BRINP1: variants seen among roughly 807,000 people sequenced by gnomAD.
BRINP1 encodes the protein BMP/retinoic acid inducible neural specific 1.
A neutral mutation model predicts 72.9 loss-of-function variants in BRINP1; 17 were observed. The ratio of observed to expected loss-of-function variants is 0.23; its 90% confidence interval spans 0.16 to 0.35. The LOEUF (loss-of-function observed/expected upper bound fraction) is 0.35, where lower values mean the gene tolerates loss of function less well. BRINP1 is among the 10% of genes least tolerant of loss of function. The probability of loss-of-function intolerance (pLI) is 1.00; values close to 1 mark genes in which losing one functional copy is unlikely to be tolerated. For missense variants in BRINP1, 850 were observed against 1,001.6 expected, an observed-to-expected ratio of 0.85 and a Z score of 2.04; for synonymous variants, 418 against 378.5, an observed-to-expected ratio of 1.10 and a Z score of -1.21.
At chr9:119,237,287 T>G (rs1431545568) in intron 5 of BRINP1, among the ~76,000 whole-genome samples, 2 of 152,002 alleles carry the variant, frequency 1.3e-5, no homozygotes, top group African/African-American at 4.8e-5. Flanking sequence ...AAATACATCA[T>G]CGGTAACCTA....
intron 2 of BRINP1, among the ~76,000 whole-genome samples, chr9:119,266,055 G>A (rs1432985153): frequency 6.6e-6 from 1 of 152,166 alleles, no homozygotes; most frequent in African/African-American, 2.4e-5. Flanking sequence ...AGAACCAGAT[G>A]ATAAACATGC....
chr9:119,217,410 A>T (rs1341640707), intron 5 of BRINP1, among the ~76,000 whole-genome samples: 2 of 152,138 alleles, frequency 1.3e-5, no homozygotes, highest in Non-Finnish European at 2.9e-5. Context: ...GGCTACTGTT[A>T]TTGCCAAGCA....
At chr9:119,296,646 C>T (rs1262891538) in intron 2 of BRINP1, among the ~76,000 whole-genome samples, 1 of 152,186 alleles carries the variant, frequency 6.6e-6, no homozygotes, top group Non-Finnish European at 1.5e-5. Context: ...TGGACACACA[C>T]ACTCACCCAC....
At chr9:119,333,731 T>C (rs902042853) in intron 1 of BRINP1, among the ~76,000 whole-genome samples, 12 of 152,152 alleles carry the variant, frequency 7.9e-5, no homozygotes, top group African/African-American at 2.9e-4. Flanking sequence ...GCAGTCTACC[T>C]TAATCCATCT....
chr9:119,356,060 C>A (rs1831562090), intron 1 of BRINP1, among the ~76,000 whole-genome samples: 1 of 152,130 alleles, frequency 6.6e-6, no homozygotes. Context: ...CCTGCTTTCA[C>A]AATAATGTAT....
intron 1 of BRINP1, among the ~76,000 whole-genome samples, chr9:119,345,140 G>A (rs954859852): frequency 6.6e-6 from 1 of 152,162 alleles, no homozygotes; most frequent in Non-Finnish European, 1.5e-5. Flanking sequence ...ATACACATTT[G>A]ATTCCACCCA....
At chr9:119,220,054 G>A (rs559565822) in intron 5 of BRINP1, among the ~76,000 whole-genome samples, 6 of 152,296 alleles carry the variant, frequency 3.9e-5, no homozygotes, top group African/African-American at 1.4e-4. Context: ...AGAAAAGAAA[G>A]AGTACTTGCA....
intron 2 of BRINP1, among the ~76,000 whole-genome samples, chr9:119,262,298 C>T (rs2118936529): frequency 6.6e-6 from 1 of 152,140 alleles, no homozygotes; most frequent in African/African-American, 2.4e-5. Flanking sequence ...TTCTTACTTA[C>T]TTCCTGTATT....
At chr9:119,319,104 C>A (rs1218347673) in intron 1 of BRINP1, among the ~76,000 whole-genome samples, 4 of 152,070 alleles carry the variant, frequency 2.6e-5, no homozygotes, top group Non-Finnish European at 5.9e-5. Flanking sequence ...CGGGACCCCA[C>A]ATGTCAATGA....
intron 5 of BRINP1, among the ~76,000 whole-genome samples, chr9:119,234,647 CT>C (rs893234519): frequency 7.2e-5 from 11 of 151,848 alleles, no homozygotes; most frequent in African/African-American, 2.2e-4. Context: ...ATTTATTAGC[CT>C]TTTTTTCTTA....
At chr9:119,193,669 C>T (rs1829704584) in intron 7 of BRINP1, among the ~76,000 whole-genome samples, 1 of 152,174 alleles carries the variant, frequency 6.6e-6, no homozygotes, top group African/African-American at 2.4e-5. Context: ...ACCTCAAATA[C>T]ACACAATACA....
At chr9:119,328,810 A>T (rs1377744569) in intron 1 of BRINP1, among the ~76,000 whole-genome samples, 1 of 152,156 alleles carries the variant, frequency 6.6e-6, no homozygotes, top group Non-Finnish European at 1.5e-5. Context: ...TTGGGAGTCA[A>T]AAAGACTTCT....
At chr9:119,253,395 A>G (rs371897017) in intron 2 of BRINP1, among the ~76,000 whole-genome samples, 1 of 152,234 alleles carries the variant, frequency 6.6e-6, no homozygotes, top group African/African-American at 2.4e-5. Flanking sequence ...GAAAATATGT[A>G]TACATACTCA....
At chr9:119,197,104 C>T (rs543166556) in intron 7 of BRINP1, among the ~76,000 whole-genome samples, 69 of 152,230 alleles carry the variant, frequency 4.5e-4, no homozygotes, top group African/African-American at 1.5e-3. Context: ...TGGGTTTAAA[C>T]GCAGCATTGC....
chr9:119,228,291 T>C (rs1830113753), intron 5 of BRINP1, among the ~76,000 whole-genome samples: 1 of 151,990 alleles, frequency 6.6e-6, no homozygotes, highest in Admixed American at 6.6e-5. Flanking sequence ...AGCAAATACA[T>C]GTATGTACGT....
At chr9:119,218,204 A>ATTT (rs139945643) in intron 5 of BRINP1, among the ~76,000 whole-genome samples, 1 of 122,974 alleles carries the variant, frequency 8.1e-6, no homozygotes, top group Admixed American at 8.2e-5. Context: ...TCAAATAAAT[A>ATTT]TTTTTTTTTT....
chr9:119,336,467 G>C (rs570680543), intron 1 of BRINP1, among the ~76,000 whole-genome samples: 1 of 152,092 alleles, frequency 6.6e-6, no homozygotes, highest in African/African-American at 2.4e-5. Flanking sequence ...ACGCTGTAAT[G>C]TGTGTGAAGG....
At chr9:119,304,584 C>T (rs1356859977) in intron 2 of BRINP1, among the ~76,000 whole-genome samples, 2 of 152,248 alleles carry the variant, frequency 1.3e-5, no homozygotes, top group Non-Finnish European at 2.9e-5. Flanking sequence ...GAAGCCTGAG[C>T]ATTCTGGTTC....
Position 119,368,447 on chromosome 9 carries a change from A to T in BRINP1, c.-51+609T>A, listed in dbSNP as rs1396208166. Reference sequence around the variant, plus strand: ...GAGGAATTTTCCTTCAAGCGTACCAACATTGGGCTAAATAAGGTGCCATCT... The same window carrying T: ...GAGGAATTTTCCTTCAAGCGTACCATCATTGGGCTAAATAAGGTGCCATCT... On this transcript the variant is annotated intron_variant, in intron 1 of 7. Coordinates refer to ENST00000265922, the MANE Select transcript of BRINP1 (RefSeq NM_014618.3). This position sits in a 1 kb window ranked among gnomAD's most constrained non-coding sequence, Gnocchi z 4.7. 6.6e-6 allele frequency among the ~76,000 whole-genome samples: 1 copy of T among 151,996 alleles called. No individual in the cohort carries two copies. Among genetic ancestry groups the T allele is most frequent in the Non-Finnish European group, 1.5e-5 (1 of 68,028 alleles).
Sources: allele counts gnomAD v4.1 joint callset (sites outside exome capture counted in the v4.1 genomes callset), GRCh38; gene constraint gnomAD v4.1.1; non-coding constraint Gnocchi (gnomAD v3.1); transcripts MANE v1.5; gene names NCBI Gene and HGNC (gene_info 2026-07-23, HGNC 2026-07-21).